RAB27A: variants seen among roughly 807,000 people sequenced by gnomAD.
The protein encoded by RAB27A is ras-related protein Rab-27A.
In RAB27A, 17 loss-of-function variants were observed where a neutral mutation model predicts 20.8. That is an observed-to-expected ratio of 0.82 (90% CI 0.56 to 1.23). The LOEUF is 1.23. Among genes scored for constraint, RAB27A ranks in the 50% most tolerant of loss-of-function variants. The probability of loss-of-function intolerance (pLI) is 0.00; values close to 1 mark genes in which losing one functional copy is unlikely to be tolerated. For synonymous variants in RAB27A, 85 were observed against 92.8 expected, an observed-to-expected ratio of 0.92 and a Z score of 0.48; for missense variants, 277 against 266.7, an observed-to-expected ratio of 1.04 and a Z score of -0.27.
At chr15:55,223,637 A>G (rs956561179) in intron 6 of RAB27A, among the ~76,000 whole-genome samples, 2 of 152,162 alleles carry the variant, frequency 1.3e-5, no homozygotes, top group African/African-American at 4.8e-5. Context: ...CTCTGAGACA[A>G]CTCAAAGTTG....
chr15:55,238,244 G>A (rs1242659719), intron 2 of RAB27A: 2 of 152,122 alleles, frequency 1.3e-5, no homozygotes, highest in African/African-American at 4.8e-5. Flanking sequence ...GAGGTAGACT[G>A]ATTTGCACGA....
intron 2 of RAB27A, among the ~76,000 whole-genome samples, chr15:55,238,679 CA>C (rs1896362470): frequency 6.6e-6 from 1 of 152,112 alleles, no homozygotes; most frequent in Non-Finnish European, 1.5e-5. Context: ...TGACTCTGGC[CA>C]GCTTAAAACA....
intron 2 of RAB27A, among the ~76,000 whole-genome samples, chr15:55,312,438 A>C (rs777400931): frequency 3.9e-5 from 6 of 152,234 alleles, no homozygotes; most frequent in South Asian, 4.1e-4. Context: ...TAGGCCATAT[A>C]GTAGCTCTAC....
chr15:55,253,389 G>C (rs1180030209), intron 2 of RAB27A, among the ~76,000 whole-genome samples: 1 of 151,714 alleles, frequency 6.6e-6, no homozygotes, highest in African/African-American at 2.4e-5. Context: ...AGAGGTTGCA[G>C]TGAGCCAAGA....
intron 2 of RAB27A, among the ~76,000 whole-genome samples, chr15:55,299,199 A>G (rs990951783): frequency 1.3e-5 from 2 of 152,236 alleles, no homozygotes; most frequent in African/African-American, 4.8e-5. Flanking sequence ...AAGAAATTAT[A>G]AAAGTATTAA....
chr15:55,302,432 A>C (rs1480672925), intron 2 of RAB27A, among the ~76,000 whole-genome samples: 1 of 150,936 alleles, frequency 6.6e-6, no homozygotes, highest in Non-Finnish European at 1.5e-5. Flanking sequence ...TACAACCTAC[A>C]CCTCCCAGCC....
At chr15:55,234,479 G>A (rs1014140616) in intron 3 of RAB27A, among the ~76,000 whole-genome samples, 1 of 152,182 alleles carries the variant, frequency 6.6e-6, no homozygotes, top group Non-Finnish European at 1.5e-5. Context: ...GTGGTTGGCA[G>A]GCTTCAAGAC....
intron 3 of RAB27A, among the ~76,000 whole-genome samples, chr15:55,231,655 C>T (rs1041780607): frequency 2.0e-5 from 3 of 152,098 alleles, no homozygotes; most frequent in African/African-American, 7.2e-5. Flanking sequence ...ATCAGCCTAG[C>T]CACCACTGTG....
intron 2 of RAB27A, among the ~76,000 whole-genome samples, chr15:55,310,381 G>C (rs761145892): frequency 3.2e-4 from 49 of 152,148 alleles, no homozygotes; most frequent in Non-Finnish European, 6.8e-4. Flanking sequence ...CTTGCCCCGG[G>C]CACCCTCAGT....
intron 1 of RAB27A, among the ~76,000 whole-genome samples, chr15:55,274,291 A>T (rs932788587): frequency 2.0e-5 from 3 of 152,158 alleles, no homozygotes; most frequent in African/African-American, 7.2e-5. Context: ...CCATTAAGAA[A>T]AAAGAAAGAT....
At chr15:55,283,214 G>A (rs1230887097) in intron 1 of RAB27A, among the ~76,000 whole-genome samples, 1 of 152,172 alleles carries the variant, frequency 6.6e-6, no homozygotes, top group African/African-American at 2.4e-5. Context: ...CTAAATGCCA[G>A]GAGTAACTCC....
intron 1 of RAB27A, among the ~76,000 whole-genome samples, 192 bp downstream of exon 1, chr15:55,289,524 G>T (rs1465515570): frequency 6.6e-6 from 1 of 152,184 alleles, no homozygotes; most frequent in African/African-American, 2.4e-5. Flanking sequence ...CCAGGCAGTT[G>T]TCATCACTGG....
intron 1 of RAB27A, among the ~76,000 whole-genome samples, chr15:55,287,073 C>A (rs1898176283): frequency 6.6e-6 from 1 of 151,870 alleles, no homozygotes; most frequent in Admixed American, 6.6e-5. Flanking sequence ...GCACCCACCA[C>A]CACGCCCCGC....
At chr15:55,244,495 T>TG (rs958343523) in intron 2 of RAB27A, among the ~76,000 whole-genome samples, 30 of 152,128 alleles carry the variant, frequency 2.0e-4, no homozygotes, top group Non-Finnish European at 3.7e-4. Flanking sequence ...TTGTTGTTGT[T>TG]GGGGGGAGAT....
chr15:55,290,597 G>A (rs1466093655), upstream of RAB27A, among the ~76,000 whole-genome samples: 2 of 152,262 alleles, frequency 1.3e-5, no homozygotes, highest in Admixed American at 6.5e-5. Context: ...GCCTCTGTCG[G>A]AAGAAACCTG....
chr15:55,277,934 C>T (rs367768444), intron 1 of RAB27A, among the ~76,000 whole-genome samples: 11 of 152,284 alleles, frequency 7.2e-5, no homozygotes, highest in African/African-American at 2.2e-4. Context: ...CAACCTGTTT[C>T]ATCATCTGTA....
intron 6 of RAB27A, among the ~76,000 whole-genome samples, chr15:55,222,509 C>A (rs1269186895): frequency 6.6e-6 from 1 of 152,112 alleles, no homozygotes; most frequent in Non-Finnish European, 1.5e-5. Flanking sequence ...TCCCTCCATG[C>A]TCAAAGGCTT....
At chr15:55,259,551 T>C (rs1216078917) in intron 2 of RAB27A, among the ~76,000 whole-genome samples, 1 of 152,160 alleles carries the variant, frequency 6.6e-6, no homozygotes, top group African/African-American at 2.4e-5. Flanking sequence ...CCTCCCAAAG[T>C]GCTAGGATTA....
chr15:55,305,432 C>T (rs759904333), intron 2 of RAB27A, among the ~76,000 whole-genome samples: 7 of 149,902 alleles, frequency 4.7e-5, no homozygotes, highest in Non-Finnish European at 8.9e-5. Context: ...TTTGAAGAAC[C>T]ATTTGTAGCT....
Sources: allele counts gnomAD v4.1 joint callset (sites outside exome capture counted in the v4.1 genomes callset), GRCh38; gene constraint gnomAD v4.1.1; transcripts MANE v1.5; gene names NCBI Gene and HGNC (gene_info 2026-07-23, HGNC 2026-07-21).